The following PLXDC2 variants were observed in gnomAD, a reference collection of about 807,000 sequenced individuals.
The protein encoded by PLXDC2 is plexin domain containing 2, also known as plexin domain-containing protein 2.
A neutral mutation model predicts 68.9 loss-of-function variants in PLXDC2; 40 were observed. That is an observed-to-expected ratio of 0.58 (90% CI 0.45 to 0.76). PLXDC2 has a LOEUF of 0.76. Ranked by LOEUF, PLXDC2 falls within the 30% of genes least tolerant of loss-of-function variation. The pLI, the probability that PLXDC2 is intolerant of heterozygous loss-of-function variation, is 0.00. For missense variants in PLXDC2, 644 were observed against 661.9 expected (o/e 0.97, Z 0.30); for synonymous variants, 243 against 234.2 (o/e 1.04, Z -0.34).
At chr10:20,146,727 C>A (rs1428408724) in intron 5 of PLXDC2, among the ~76,000 whole-genome samples, 3 of 152,006 alleles carry the variant, frequency 2.0e-5, no homozygotes, top group Admixed American at 2.0e-4. Context: ...TCAGGACTTA[C>A]AATTGGGTGT....
chr10:19,917,658 G>C (rs1466872425), intron 1 of PLXDC2, among the ~76,000 whole-genome samples: 1 of 152,126 alleles, frequency 6.6e-6, no homozygotes, highest in Admixed American at 6.5e-5. Flanking sequence ...TCTCACATTA[G>C]TAAGAAAGGG....
intron 12 of PLXDC2, among the ~76,000 whole-genome samples, chr10:20,231,890 G>C (rs565870547): frequency 1.3e-5 from 2 of 151,770 alleles, no homozygotes; most frequent in African/African-American, 2.4e-5. Flanking sequence ...AATGGCATAC[G>C]CCTGTAGTCC....
At chr10:20,050,946 G>A (rs1358375262) in intron 3 of PLXDC2, among the ~76,000 whole-genome samples, 1 of 152,012 alleles carries the variant, frequency 6.6e-6, no homozygotes, top group African/African-American at 2.4e-5. Context: ...AATGTTTATT[G>A]CAGCACTATT....
chr10:19,946,112 C>A (rs956791468), intron 1 of PLXDC2, among the ~76,000 whole-genome samples: 3 of 152,128 alleles, frequency 2.0e-5, no homozygotes, highest in Admixed American at 2.0e-4. Flanking sequence ...TGTGGCATAA[C>A]AGAGAATTTT....
intron 1 of PLXDC2, among the ~76,000 whole-genome samples, chr10:19,886,476 C>G (rs1378845192): frequency 6.6e-6 from 1 of 152,132 alleles, no homozygotes; most frequent in Non-Finnish European, 1.5e-5. Flanking sequence ...TCAATATACA[C>G]AAGTCAATAA....
chr10:20,077,623 C>A (rs1046553996), intron 4 of PLXDC2, among the ~76,000 whole-genome samples: 1 of 152,102 alleles, frequency 6.6e-6, no homozygotes, highest in African/African-American at 2.4e-5. Flanking sequence ...AAGAAAATGT[C>A]TTTTAATTGG....
intron 1 of PLXDC2, among the ~76,000 whole-genome samples, chr10:19,964,784 G>T (rs542270653): frequency 1.6e-4 from 25 of 152,012 alleles, no homozygotes; most frequent in African/African-American, 5.8e-4. Flanking sequence ...CAGAGTGCCT[G>T]GTTAATAACA....
At chr10:20,267,418 G>C (rs895817092) in intron 13 of PLXDC2, among the ~76,000 whole-genome samples, 1 of 152,084 alleles carries the variant, frequency 6.6e-6, no homozygotes, top group Non-Finnish European at 1.5e-5. Context: ...AAATGCAGCA[G>C]GAAGAAGATA....
intron 6 of PLXDC2, among the ~76,000 whole-genome samples, chr10:20,156,470 G>A (rs978971721): frequency 5.9e-5 from 9 of 152,086 alleles, no homozygotes; most frequent in African/African-American, 2.2e-4. Flanking sequence ...TGCAAATATT[G>A]CCTGGAAAAT....
chr10:19,901,386 G>C (rs1355139936), intron 1 of PLXDC2, among the ~76,000 whole-genome samples: 1 of 152,074 alleles, frequency 6.6e-6, no homozygotes, highest in Non-Finnish European at 1.5e-5. Flanking sequence ...GAGTGAGGTG[G>C]TATTGCCTTG....
At chr10:19,868,780 A>G (rs1240780356) in intron 1 of PLXDC2, among the ~76,000 whole-genome samples, 1 of 152,186 alleles carries the variant, frequency 6.6e-6, no homozygotes, top group African/African-American at 2.4e-5. Context: ...TGACCTTGAC[A>G]CTTTATTCTT....
chr10:19,884,735 C>G (rs1837809182), intron 1 of PLXDC2, among the ~76,000 whole-genome samples: 1 of 152,142 alleles, frequency 6.6e-6, no homozygotes, highest in Admixed American at 6.5e-5. Context: ...GCCACATTTT[C>G]TTAATCAAGT....
intron 3 of PLXDC2, among the ~76,000 whole-genome samples, chr10:20,057,220 A>C (rs78368736): frequency 0.039 from 5,937 of 152,246 alleles, 152 homozygotes; most frequent in South Asian, 0.067. Flanking sequence ...CATAACAGAA[A>C]ACTTAGCAAA....
chr10:19,861,606 C>G (rs904901678), intron 1 of PLXDC2, among the ~76,000 whole-genome samples: 7 of 152,130 alleles, frequency 4.6e-5, no homozygotes, highest in Admixed American at 3.9e-4. Context: ...GTACTATCCT[C>G]TCTCATATAT....
At chr10:20,244,270 C>A (rs1222934684) in intron 12 of PLXDC2, among the ~76,000 whole-genome samples, 1 of 152,096 alleles carries the variant, frequency 6.6e-6, no homozygotes, top group Admixed American at 6.5e-5. Flanking sequence ...TCAGTGATTA[C>A]AGAATTTTAG....
intron 1 of PLXDC2, among the ~76,000 whole-genome samples, chr10:19,966,446 AACATGTG>A (rs1564641881): frequency 1.1e-3 from 66 of 62,670 alleles, no homozygotes; most frequent in East Asian, 2.2e-3. Flanking sequence ...ATATATATAA[AACATGTG>A]TGTATATGTA....
chr10:19,992,044 T>A (rs192445265), intron 1 of PLXDC2, among the ~76,000 whole-genome samples: 2 of 152,324 alleles, frequency 1.3e-5, no homozygotes, highest in Admixed American at 6.5e-5. Context: ...AATAGCAGTG[T>A]GAAAGTGTTT....
At chr10:20,068,528 G>A (rs1260699882) in intron 4 of PLXDC2, among the ~76,000 whole-genome samples, 1 of 150,718 alleles carries the variant, frequency 6.6e-6, no homozygotes, top group Non-Finnish European at 1.5e-5. Flanking sequence ...GGCAGAAATT[G>A]GAATAGAGAT....
intron 4 of PLXDC2, among the ~76,000 whole-genome samples, chr10:20,095,026 A>G (rs756822826): frequency 1.7e-4 from 26 of 152,242 alleles, no homozygotes; most frequent in Non-Finnish European, 3.2e-4. Flanking sequence ...GTGGTCCACA[A>G]ATGTGACCGC....
Sources: allele counts gnomAD v4.1 joint callset (sites outside exome capture counted in the v4.1 genomes callset), GRCh38; gene constraint gnomAD v4.1.1; transcripts MANE v1.5; gene names NCBI Gene and HGNC (gene_info 2026-07-23, HGNC 2026-07-21).